Variants in RB1CC1 observed in about 807,000 individuals in gnomAD.
RB1CC1 encodes RB1-inducible coiled-coil protein 1.
Under a neutral mutation model 177.5 loss-of-function variants are expected in RB1CC1, and 46 were observed. The observed-to-expected ratio is 0.26, with a 90% confidence interval of 0.20 to 0.33. The LOEUF (loss-of-function observed/expected upper bound fraction) is 0.33. Ranked by LOEUF, RB1CC1 falls within the 10% of genes least tolerant of loss-of-function variation. RB1CC1 has a pLI of 1.00. For missense variants in RB1CC1, 1,703 were observed against 1,816.3 expected (o/e 0.94, Z 1.13); for synonymous variants, 666 against 613.6 (o/e 1.09, Z -1.26).
At chr8:52,632,632 T>A (rs1206364946) in intron 20 of RB1CC1, among the ~76,000 whole-genome samples, 1 of 152,210 alleles carries the variant, frequency 6.6e-6, no homozygotes, top group Non-Finnish European at 1.5e-5. Context: ...TGGACACCTT[T>A]CTGAATGTGA....
At chr8:52,645,011 A>C (rs1182212043) in intron 16 of RB1CC1, among the ~76,000 whole-genome samples, 3 of 152,188 alleles carry the variant, frequency 2.0e-5, no homozygotes, top group Non-Finnish European at 2.9e-5. Flanking sequence ...ATCTTCATTA[A>C]GCATAAATCT....
intron 1 of RB1CC1, among the ~76,000 whole-genome samples, chr8:52,698,869 T>A (rs1855733873): frequency 6.6e-6 from 1 of 151,666 alleles, no homozygotes; most frequent in African/African-American, 2.4e-5. Context: ...GTTTTGTATT[T>A]TTAGTAAGGC....
chr8:52,643,099 T>TAA, intron 16 of RB1CC1: 1 of 217,738 alleles, frequency 4.6e-6, no homozygotes, highest in Non-Finnish European at 8.8e-6. Context: ...ATCAATAACT[T>TAA]AGAGTGCTGT....
intron 15 of RB1CC1, among the ~76,000 whole-genome samples, chr8:52,650,016 C>T (rs992998182): frequency 8.5e-5 from 13 of 152,134 alleles, no homozygotes; most frequent in Admixed American, 8.5e-4. Context: ...ATTTTTCTAA[C>T]AGATTATGTG....
Position 52,630,518 on chromosome 8 carries a change from C to T in RB1CC1, c.4451G>A (p.Ser1484Asn). The change falls in exon 21 of 24, where the codon AGC becomes AAC. Residue 1484 changes from serine to asparagine, a missense_variant. Transcript: ENST00000025008. ...KRLNQRLMSQ[S>N]MSSVSSRHSE... ...ATGCCTTGAAGATACTGAAGACATG[C>T]TCTGAGACATCTAAAAAAAAAAAAA... 6.4e-7 allele frequency: 1 copy of T among 1,567,578 alleles called. No homozygotes were observed. Among genetic ancestry groups the T allele is most frequent in the Middle Eastern group, 1.7e-4 (1 of 5,840 alleles).
In RB1CC1 at chr8:52,657,426, A is replaced by G. The variant is rs1851177142; in HGVS notation, c.2403T>C (p.Cys801=). 3 of 1,613,734 alleles carry G rather than the reference A, an allele frequency of 1.9e-6. No homozygotes were observed. Among genetic ancestry groups the G allele is most frequent in the East Asian group, 2.2e-5 (1 of 44,870 alleles). The part of the protein sequence containing the change: ...HTSLNVQLER[C]RVVAQDSHFS... The stretch of plus-strand genomic sequence containing the variant: ...AGTGAGAGTCTTGGGCAACAACTCT[A>G]CATCTTTCCAACTGGACATTCAGAG... Residue 801 remains cysteine (C), a synonymous_variant, in exon 15 of 24, where the codon TGT becomes TGC. Transcript: ENST00000025008.
rs532215853 is a variant in RB1CC1, at chr8:52,702,855, AAAAAG to A, written c.-167+11215_-167+11219del. 1.1e-3 allele frequency among the ~76,000 whole-genome samples: 162 copies of A among 152,354 alleles called. 3 individuals carry two copies. The highest frequency in any genetic ancestry group is 3.8e-3 in the African/African-American group (156 of 41,588). On this transcript the variant is annotated intron_variant, in intron 1 of 23. Transcript: ENST00000025008. ...ACCTCATATGGCTGTTGCAGAAAAA[AAAAAG>A]AAATCACAGTAAATATTCCCAAAAT...
At position 52,673,826 on chromosome 8, in the gene RB1CC1, T is replaced by C; in HGVS notation, c.1002+19A>G. On this transcript the variant is annotated intron_variant, in intron 7 of 23. Coordinates refer to ENST00000025008, the MANE Select transcript of RB1CC1 (RefSeq NM_014781.5). Reference sequence around the variant, plus strand: ...AAGTAGTAAAATGACAAAACAAACATCAAATTAACGTTACTTACCCTGCTC... The same window carrying C: ...AAGTAGTAAAATGACAAAACAAACACCAAATTAACGTTACTTACCCTGCTC... 1 of 1,567,294 alleles carries C rather than the reference T, an allele frequency of 6.4e-7. No individual in the cohort carries two copies. Among genetic ancestry groups the C allele is most frequent in the Non-Finnish European group, 8.6e-7 (1 of 1,156,410 alleles).
At chr8:52,640,888 C>A (rs187288231) in intron 18 of RB1CC1, among the ~76,000 whole-genome samples, 1 of 152,100 alleles carries the variant, frequency 6.6e-6, no homozygotes, top group Non-Finnish European at 1.5e-5. Context: ...TTCAACCAGA[C>A]AGAAACCTAA....
chr8:52,630,868 A>G (rs1563347948), intron 20 of RB1CC1, among the ~76,000 whole-genome samples: 2 of 152,244 alleles, frequency 1.3e-5, no homozygotes, highest in Non-Finnish European at 2.9e-5. Context: ...AATGTTGGAA[A>G]CAAGTGCTCA....
intron 2 of RB1CC1, among the ~76,000 whole-genome samples, chr8:52,686,496 C>T (rs1043584056): frequency 2.6e-5 from 4 of 152,026 alleles, no homozygotes; most frequent in African/African-American, 4.8e-5. Context: ...CAGTGAGCTA[C>T]GATTGTGCCA....
chr8:52,634,400 C>T (rs770865045), intron 20 of RB1CC1, among the ~76,000 whole-genome samples: 2 of 152,102 alleles, frequency 1.3e-5, no homozygotes, highest in South Asian at 2.1e-4. Context: ...GCGCAGCACA[C>T]TTGTAATCCC....
In RB1CC1 at chr8:52,642,536, C is replaced by T; in HGVS notation, c.4152G>A (p.Lys1384=). Residue 1384 remains lysine (K), a synonymous_variant, in exon 18 of 24, where the codon AAG becomes AAA. Transcript: ENST00000025008. ...DRARLLEEKK[K]LEEEVSKLRS... ...GCAACTTACTGACTTCTTCTTCAAGCTTTTTCTTTTCCTCAAGCAAACGAG... is the reference window on the plus strand; with the variant it reads ...GCAACTTACTGACTTCTTCTTCAAGTTTTTTCTTTTCCTCAAGCAAACGAG... 1 of 1,613,978 alleles carries T rather than the reference C, an allele frequency of 6.2e-7. No individual in the cohort carries two copies. The highest frequency in any genetic ancestry group is 1.3e-5 in the African/African-American group (1 of 75,018).
intron 15 of RB1CC1, among the ~76,000 whole-genome samples, chr8:52,653,205 G>C (rs1333591711): frequency 6.6e-6 from 1 of 152,176 alleles, no homozygotes; most frequent in Non-Finnish European, 1.5e-5. Flanking sequence ...CCAAGGCTTT[G>C]CAAAATACAA....
chr8:52,625,062 T>A (rs1045651513), intron 22 of RB1CC1, among the ~76,000 whole-genome samples: 2 of 152,052 alleles, frequency 1.3e-5, no homozygotes, highest in Non-Finnish European at 2.9e-5. Context: ...ACACTAATAA[T>A]CTAAATACAA....
intron 5 of RB1CC1, among the ~76,000 whole-genome samples, chr8:52,681,611 G>T (rs756361208): frequency 2.6e-5 from 4 of 152,122 alleles, no homozygotes; most frequent in African/African-American, 9.7e-5. Flanking sequence ...AAAGAGGGCA[G>T]GCATGGTGGC....
intron 15 of RB1CC1, among the ~76,000 whole-genome samples, chr8:52,648,523 G>T (rs1439523284): frequency 1.3e-5 from 2 of 152,096 alleles, no homozygotes; most frequent in Admixed American, 1.3e-4. Flanking sequence ...GTAGAGGGGA[G>T]GGAGGTCATG....
chr8:52,658,809 C>G, intron 13 of RB1CC1, 64 bp downstream of exon 13: 1 of 1,192,516 alleles, frequency 8.4e-7, no homozygotes, highest in Non-Finnish European at 1.2e-6. Flanking sequence ...CTACCTGGCA[C>G]AACTCCAGAA....
At chr8:52,669,920 T>A (rs1046630479) in intron 7 of RB1CC1, among the ~76,000 whole-genome samples, 1 of 152,058 alleles carries the variant, frequency 6.6e-6, no homozygotes, top group African/African-American at 2.4e-5. Context: ...TAGGAGAGTA[T>A]TTTATGATTC....
Sources: gnomAD v4.1 joint callset for allele counts (sites outside exome capture counted in the v4.1 genomes callset) on GRCh38, gnomAD v4.1.1 for gene constraint, MANE v1.5 for transcripts, NCBI Gene and HGNC (gene_info 2026-07-23, HGNC 2026-07-21) for gene names.